Variants in WDFY2 observed in about 807,000 individuals in gnomAD.
The protein encoded by WDFY2 is WD repeat and FYVE domain-containing protein 2.
WDFY2 carries 36 observed loss-of-function variants against 56.4 expected under a neutral mutation model. That is an observed-to-expected ratio of 0.64 (90% confidence interval 0.49 to 0.84). The LOEUF is 0.84. Ranked by LOEUF, WDFY2 falls within the 40% of genes least tolerant of loss-of-function variation. The pLI, the probability that WDFY2 is intolerant of heterozygous loss-of-function variation, is 0.00. For synonymous variants in WDFY2, 176 were observed against 183.7 expected, an observed-to-expected ratio of 0.96 and a Z score of 0.34; for missense variants, 444 against 512.2, an observed-to-expected ratio of 0.87 and a Z score of 1.29.
intron 2 of WDFY2, among the ~76,000 whole-genome samples, chr13:51,664,563 T>C (rs1347901642): frequency 6.6e-6 from 1 of 152,338 alleles, no homozygotes; most frequent in Admixed American, 6.5e-5. Flanking sequence ...CTCATCCTCC[T>C]AATCCCCTGA....
rs1404886174 is a variant in WDFY2 at position 51,584,558 on chromosome 13, G to T, written c.-130G>T. The T allele has an allele frequency of 2.3e-6, 3 of 1,306,652 alleles. No homozygotes were observed. Among genetic ancestry groups the T allele is most frequent in the Non-Finnish European group, 3.0e-6 (3 of 986,076 alleles). 80.9% of individuals were successfully genotyped at this position (1,306,652 alleles called of 1,614,324 possible). A position where few individuals can be genotyped will look rare whatever the true frequency, so the allele number is the denominator to read the frequency against. The stretch of plus-strand genomic sequence containing the variant: ...CGAGAGAGGCGGCCAGGCTATGCTC[G>T]CCGGTTTCCGGCGTTCCGCTCCGGC... On this transcript the variant is annotated 5_prime_UTR_variant, in exon 1 of 12. Transcript: ENST00000298125.
intron 6 of WDFY2, among the ~76,000 whole-genome samples, chr13:51,737,551 T>TAAAAAAAAAA (rs67418551): frequency 7.3e-4 from 39 of 53,244 alleles, no homozygotes; most frequent in Non-Finnish European, 9.5e-4. Flanking sequence ...ACAATGAATT[T>TAAAAAAAAAA]AAAAAAAAAA....
At chr13:51,711,590 A>G (rs956919147) in intron 4 of WDFY2, among the ~76,000 whole-genome samples, 4 of 152,244 alleles carry the variant, frequency 2.6e-5, no homozygotes, top group South Asian at 4.1e-4. Context: ...AACAAAATTT[A>G]CAAGAAAAAA....
intron 3 of WDFY2, among the ~76,000 whole-genome samples, chr13:51,678,684 A>G (rs1428200674): frequency 3.9e-5 from 6 of 152,214 alleles, no homozygotes; most frequent in Non-Finnish European, 1.5e-5. Context: ...AACTCTGTAC[A>G]AAAGATTATG....
At position 51,712,313 on chromosome 13, in the gene WDFY2, G is replaced by A. The variant is rs1008639316; in HGVS notation, c.335-6885G>A. On this transcript the variant is annotated intron_variant, in intron 4 of 11. Coordinates refer to ENST00000298125, the MANE Select transcript of WDFY2 (RefSeq NM_052950.4). Reference sequence around the variant, plus strand: ...GGCCTATCGTGGTGTGGGGGGAGCGGGGAGGGATAACATTAGGAGAAATAA... The same window carrying A: ...GGCCTATCGTGGTGTGGGGGGAGCGAGGAGGGATAACATTAGGAGAAATAA... Among the ~76,000 whole-genome samples the A allele has an allele frequency of 1.1e-4, 17 of 152,070 alleles. 2 individuals are homozygous for A. In the East Asian group the frequency reaches 3.3e-3, roughly 29 times the overall value.
chr13:51,599,816 A>C (rs1202253329), intron 1 of WDFY2, among the ~76,000 whole-genome samples: 1 of 152,172 alleles, frequency 6.6e-6, no homozygotes, highest in African/African-American at 2.4e-5. Flanking sequence ...CAAGTTGCAT[A>C]ATTTTATGAA....
chr13:51,734,582 T>G (rs1350322404), intron 6 of WDFY2, among the ~76,000 whole-genome samples: 1 of 152,218 alleles, frequency 6.6e-6, no homozygotes, highest in Admixed American at 6.5e-5. Flanking sequence ...ACTTTACCGT[T>G]TCAACCTTCT....
chr13:51,627,062 G>A (rs1000963664), intron 1 of WDFY2, among the ~76,000 whole-genome samples: 2 of 152,250 alleles, frequency 1.3e-5, no homozygotes, highest in Admixed American at 6.5e-5. Flanking sequence ...CATGGGTGCC[G>A]GCTCCATGCC....
At chr13:51,758,552 TAAAAAAAAAA>T (rs35383381) in intron 11 of WDFY2, among the ~76,000 whole-genome samples, 11 of 127,714 alleles carry the variant, frequency 8.6e-5, no homozygotes, top group African/African-American at 2.9e-4. Flanking sequence ...CCTCATCTCT[TAAAAAAAAAA>T]AAAAAAAAAA....
At chr13:51,751,238 T>C in intron 7 of WDFY2, 72 bp from the exon 8 acceptor site, 5 of 1,485,102 alleles carry the variant, frequency 3.4e-6, no homozygotes, top group Non-Finnish European at 4.6e-6. Context: ...TGGCTGACTT[T>C]GCCAAGGTTT....
At chr13:51,690,135 A>G (rs533136809) in intron 3 of WDFY2, among the ~76,000 whole-genome samples, 4 of 151,318 alleles carry the variant, frequency 2.6e-5, no homozygotes, top group Non-Finnish European at 5.9e-5. Context: ...TGCTATTGTT[A>G]TTTTAATGAA....
At chr13:51,683,182 G>A (rs1206641293) in intron 3 of WDFY2, among the ~76,000 whole-genome samples, 1 of 152,188 alleles carries the variant, frequency 6.6e-6, no homozygotes, top group Non-Finnish European at 1.5e-5. Flanking sequence ...CGTGGATTGA[G>A]AGTATGGAAT....
intron 3 of WDFY2, among the ~76,000 whole-genome samples, chr13:51,699,819 C>T (rs189081086): frequency 6.6e-6 from 1 of 152,312 alleles, no homozygotes; most frequent in East Asian, 1.9e-4. Context: ...TTTGAGCCAG[C>T]ATATCTTCTA....
chr13:51,751,206 G>A, intron 7 of WDFY2, 104 bp from the exon 8 acceptor site: 1 of 979,652 alleles, frequency 1.0e-6, no homozygotes, highest in African/African-American at 1.6e-5. Flanking sequence ...CTACACTGGG[G>A]GCTCGGAGTG....
chr13:51,727,695 G>T lies in WDFY2; in HGVS notation c.503G>T (p.Arg168Leu). The T allele has an allele frequency of 6.2e-7, 1 of 1,613,588 alleles. No individual in the cohort carries two copies. The highest frequency in any genetic ancestry group is 8.5e-7 in the Non-Finnish European group (1 of 1,179,852). Residue 168 changes from arginine to leucine, a missense_variant, in exon 6 of 12, where the codon CGG becomes CTG. Physicochemically the swap from Arg to Leu is moderately radical, Grantham distance 102. Coordinates refer to ENST00000298125, the MANE Select transcript of WDFY2 (RefSeq NM_052950.4). ...ASGLQFDVET[R>L]HVFIGDHSGQ... Reference sequence around the variant, plus strand: ...CATGACAGATTTGATGTTGAAACCCGGCATGTGTTTATCGGTGACCACTCA... The same window carrying T: ...CATGACAGATTTGATGTTGAAACCCTGCATGTGTTTATCGGTGACCACTCA...
chr13:51,706,588 C>T (rs780183408), intron 4 of WDFY2, among the ~76,000 whole-genome samples: 4 of 152,186 alleles, frequency 2.6e-5, no homozygotes, highest in African/African-American at 4.8e-5. Context: ...AATTTTACCT[C>T]GATAAATCAA....
At chr13:51,700,280 A>C (rs778960226) in intron 3 of WDFY2, among the ~76,000 whole-genome samples, 2 of 152,224 alleles carry the variant, frequency 1.3e-5, no homozygotes, top group Non-Finnish European at 2.9e-5. Context: ...TTAAAAACTA[A>C]GTGATAGATG....
chr13:51,636,563 C>A (rs1307807295), intron 1 of WDFY2, among the ~76,000 whole-genome samples: 1 of 152,164 alleles, frequency 6.6e-6, no homozygotes, highest in African/African-American at 2.4e-5. Flanking sequence ...TCATGAGACT[C>A]CACAAAGTAT....
chr13:51,659,576 G>T (rs1397346339), intron 1 of WDFY2, among the ~76,000 whole-genome samples: 1 of 152,162 alleles, frequency 6.6e-6, no homozygotes. Flanking sequence ...ATAATTCATG[G>T]TCGGGCCTTT....
Sources: gnomAD v4.1 joint callset for allele counts (sites outside exome capture counted in the v4.1 genomes callset) on GRCh38, gnomAD v4.1.1 for gene constraint, MANE v1.5 for transcripts, NCBI Gene and HGNC (gene_info 2026-07-23, HGNC 2026-07-21) for gene names.